The following EGLN1 variants were observed in gnomAD, a reference collection of about 807,000 sequenced individuals.
EGLN1 encodes egl nine homolog 1.
EGLN1 carries 17 observed loss-of-function variants against 38.3 expected under a neutral mutation model. That is an observed-to-expected ratio of 0.44 (90% CI 0.30 to 0.67). The LOEUF is 0.67. Among genes scored for constraint, EGLN1 ranks in the 30% least tolerant of loss-of-function variants. The pLI is 0.08. For missense variants in EGLN1, 477 were observed against 603.3 expected, an observed-to-expected ratio of 0.79 and a Z score of 2.19; for synonymous variants, 283 against 257.5, an observed-to-expected ratio of 1.10 and a Z score of -0.95.
intron 4 of EGLN1, 46 bp from the exon 5 acceptor site, chr1:231,366,521 CA>C: frequency 6.4e-7 from 1 of 1,567,066 alleles, no homozygotes; most frequent in Non-Finnish European, 8.8e-7. Flanking sequence ...CACTAAGCAC[CA>C]GAGAGCTTCT....
chr1:231,388,776 T>C (rs1212070152), intron 1 of EGLN1, among the ~76,000 whole-genome samples: 1 of 152,134 alleles, frequency 6.6e-6, no homozygotes, highest in Non-Finnish European at 1.5e-5. Flanking sequence ...TGCCTCAGCC[T>C]CCCAAGCAGC....
chr1:231,382,503 A>ATTATGAC (rs934622958), intron 1 of EGLN1, among the ~76,000 whole-genome samples: 2 of 152,234 alleles, frequency 1.3e-5, no homozygotes, highest in Admixed American at 6.5e-5. Context: ...GATATTAGAA[A>ATTATGAC]TTATGACAGT....
chr1:231,401,311 C>G (rs1157590376), intron 1 of EGLN1, among the ~76,000 whole-genome samples: 3 of 152,110 alleles, frequency 2.0e-5, no homozygotes, highest in African/African-American at 7.2e-5. Context: ...TGACCTGCAC[C>G]TCATATGGTT....
rs1656583343 is a variant in EGLN1, at chr1:231,421,307, C to A, written c.582G>T (p.Ala194=). Residue 194 remains alanine (A), a synonymous_variant, in exon 1 of 5, where the codon GCG becomes GCT. Transcript: ENST00000366641. This position sits in a 1 kb window ranked among gnomAD's most constrained non-coding sequence, Gnocchi z 5.5. Reference sequence around the variant, plus strand: ...TCATGCACGGCACGATGTACTCGAGCGCCAGCTTCAGCGCCGGCAGGGGCT... The same window carrying A: ...TCATGCACGGCACGATGTACTCGAGAGCCAGCTTCAGCGCCGGCAGGGGCT... The part of the protein sequence containing the change: ...QTKPLPALKL[A]LEYIVPCMNK... The A allele has an allele frequency of 1.2e-6, 2 of 1,612,888 alleles. No homozygotes were observed. Among genetic ancestry groups the A allele is most frequent in the South Asian group, 1.1e-5 (1 of 91,054 alleles).
intron 1 of EGLN1, among the ~76,000 whole-genome samples, chr1:231,418,820 C>CGTA (rs1190381207): frequency 2.0e-5 from 3 of 151,146 alleles, no homozygotes; most frequent in African/African-American, 7.3e-5. Flanking sequence ...CATGCTTACA[C>CGTA]CCTTGTACTC....
chr1:231,403,554 T>A (rs1353070446), intron 1 of EGLN1, among the ~76,000 whole-genome samples: 2 of 151,936 alleles, frequency 1.3e-5, no homozygotes, highest in Admixed American at 1.3e-4. Context: ...GTGGATCACC[T>A]GAGGTTGGGA....
At chr1:231,393,020 A>C (rs897327450) in intron 1 of EGLN1, among the ~76,000 whole-genome samples, 5 of 152,226 alleles carry the variant, frequency 3.3e-5, no homozygotes, top group Admixed American at 2.6e-4. Flanking sequence ...AGCCAATCAG[A>C]GGCAACTCCA....
At chr1:231,406,013 A>G (rs1435602636) in intron 1 of EGLN1, among the ~76,000 whole-genome samples, 2 of 88,550 alleles carry the variant, frequency 2.3e-5, no homozygotes, top group African/African-American at 9.5e-5. Context: ...GCCGCGGAGC[A>G]CTACTATTAC....
intron 1 of EGLN1, among the ~76,000 whole-genome samples, chr1:231,379,888 G>C (rs1688040035): frequency 6.6e-6 from 1 of 152,140 alleles, no homozygotes; most frequent in South Asian, 2.1e-4. Context: ...GTATTTTTCA[G>C]TTCTACAGTT....
At position 231,365,362 on chromosome 1, in the gene EGLN1, A is replaced by G. The variant is rs1218687315; in HGVS notation, c.*1049T>C. On this transcript the variant is annotated 3_prime_UTR_variant, in exon 5 of 5. Transcript: ENST00000366641. ...GAAAGCTTAAGAAAGCCCTTATCTTAGGAACTTGAAGCTGAGGATAATCTC... is the reference window on the plus strand; with the variant it reads ...GAAAGCTTAAGAAAGCCCTTATCTTGGGAACTTGAAGCTGAGGATAATCTC... 6.6e-6 allele frequency: 1 copy of G among 152,242 alleles called. No individual in the cohort carries two copies. The highest frequency in any genetic ancestry group is 1.5e-5 in the Non-Finnish European group (1 of 68,032). 9.4% of individuals were successfully genotyped at this position (152,242 alleles called of 1,614,324 possible).
At chr1:231,410,043 T>C (rs184966665) in intron 1 of EGLN1, among the ~76,000 whole-genome samples, 2 of 152,248 alleles carry the variant, frequency 1.3e-5, no homozygotes, top group Admixed American at 6.5e-5. Context: ...CCACAGATCA[T>C]AAAGAATAGT....
chr1:231,417,762 A>G (rs1689122751), intron 1 of EGLN1, among the ~76,000 whole-genome samples: 2 of 152,196 alleles, frequency 1.3e-5, no homozygotes, highest in South Asian at 4.1e-4. Flanking sequence ...TTGCATAAAC[A>G]GCGGCCAGAT....
chr1:231,393,791 T>A (rs1158836712), intron 1 of EGLN1, among the ~76,000 whole-genome samples: 2 of 152,074 alleles, frequency 1.3e-5, no homozygotes, highest in African/African-American at 4.8e-5. Context: ...GAAAAAAAAA[T>A]GCTCACTGGA....
chr1:231,414,854 G>C (rs1689036155), intron 1 of EGLN1, among the ~76,000 whole-genome samples: 1 of 150,850 alleles, frequency 6.6e-6, no homozygotes, highest in South Asian at 2.1e-4. Context: ...TCCCACCTCA[G>C]CCCCTCAAGA....
chr1:231,387,796 C>T (rs1688259165), intron 1 of EGLN1, among the ~76,000 whole-genome samples: 1 of 152,220 alleles, frequency 6.6e-6, no homozygotes, highest in Non-Finnish European at 1.5e-5. Flanking sequence ...GTCAGGCATA[C>T]TGTCAGTAAC....
At chr1:231,376,577 C>T (rs1202146333) in intron 1 of EGLN1, among the ~76,000 whole-genome samples, 1 of 152,006 alleles carries the variant, frequency 6.6e-6, no homozygotes, top group African/African-American at 2.4e-5. Context: ...GTACTATCCA[C>T]AGTTTCAGGC....
intron 1 of EGLN1, among the ~76,000 whole-genome samples, chr1:231,375,735 G>A (rs1178077189): frequency 6.6e-6 from 1 of 152,126 alleles, no homozygotes; most frequent in Non-Finnish European, 1.5e-5. Flanking sequence ...TAAATGATGA[G>A]CCCAAATGAT....
At chr1:231,401,682 A>G (rs1043233427) in intron 1 of EGLN1, among the ~76,000 whole-genome samples, 3 of 152,194 alleles carry the variant, frequency 2.0e-5, no homozygotes, top group Non-Finnish European at 4.4e-5. Flanking sequence ...TTACTGCTAA[A>G]TAGTATCTCA....
At chr1:231,403,311 A>C (rs181309097) in intron 1 of EGLN1, among the ~76,000 whole-genome samples, 35 of 152,308 alleles carry the variant, frequency 2.3e-4, no homozygotes, top group African/African-American at 7.9e-4. Context: ...TTTAAGAATT[A>C]CTGAGAAAGA....
Sources: allele counts gnomAD v4.1 joint callset (sites outside exome capture counted in the v4.1 genomes callset), GRCh38; gene constraint gnomAD v4.1.1; non-coding constraint Gnocchi (gnomAD v3.1); transcripts MANE v1.5; gene names NCBI Gene and HGNC (gene_info 2026-07-23, HGNC 2026-07-21).